The following MYH15 variants were observed in gnomAD, a reference collection of about 807,000 sequenced individuals.
MYH15 encodes myosin-15.
A neutral mutation model predicts 240.5 loss-of-function variants in MYH15; 227 were observed. The observed-to-expected ratio is 0.94, with a 90% CI of 0.85 to 1.05. The LOEUF is 1.05. Ranked by LOEUF, MYH15 falls within the 50% of genes least tolerant of loss-of-function variation. The pLI is 0.00. For missense variants in MYH15, 2,217 were observed against 2,247.5 expected, an observed-to-expected ratio of 0.99 and a Z score of 0.27; for synonymous variants, 785 against 796.7, an observed-to-expected ratio of 0.99 and a Z score of 0.25.
At chr3:108,406,733 C>T (rs2082549215) in intron 32 of MYH15, among the ~76,000 whole-genome samples, 1 of 152,068 alleles carries the variant, frequency 6.6e-6, no homozygotes. Flanking sequence ...TGGCTGAGGA[C>T]AGAAGTGGAG....
chr3:108,436,284 T>A (rs889524988), intron 25 of MYH15, among the ~76,000 whole-genome samples: 2 of 152,194 alleles, frequency 1.3e-5, no homozygotes, highest in African/African-American at 4.8e-5. Context: ...GAAACACAAC[T>A]TCAAAATTGA....
intron 22 of MYH15, 57 bp from the exon 23 acceptor site, chr3:108,441,317 C>T (rs1045843409): frequency 1.0e-5 from 16 of 1,592,042 alleles, no homozygotes; most frequent in South Asian, 3.3e-5. Flanking sequence ...ATCAGCTAGG[C>T]GAAAATGCTG....
chr3:108,422,525 C>T (rs183830051), intron 27 of MYH15, among the ~76,000 whole-genome samples: 35 of 152,234 alleles, frequency 2.3e-4, no homozygotes, highest in East Asian at 9.6e-4. Context: ...TCTGCCCCAT[C>T]GTGGGTGATG....
chr3:108,403,621 G>C, intron 33 of MYH15, among the ~76,000 whole-genome samples: 1 of 151,978 alleles, frequency 6.6e-6, no homozygotes, highest in African/African-American at 2.4e-5. Flanking sequence ...AGAGCAGAAA[G>C]GGTCTGGGCT....
chr3:108,520,318 T>A (rs2083608090), intron 1 of MYH15, among the ~76,000 whole-genome samples: 1 of 152,184 alleles, frequency 6.6e-6, no homozygotes. Flanking sequence ...ATGCGAAAAC[T>A]ATCAGTAAAA....
chr3:108,498,193 T>A, intron 5 of MYH15, 48 bp from the exon 6 acceptor site: 1 of 1,549,484 alleles, frequency 6.5e-7, no homozygotes, highest in East Asian at 2.2e-5. Flanking sequence ...TGATTATCAA[T>A]GCAACGAAAG....
chr3:108,499,903 A>G (rs1333824858), intron 4 of MYH15, among the ~76,000 whole-genome samples: 1 of 152,184 alleles, frequency 6.6e-6, no homozygotes, highest in African/African-American at 2.4e-5. Context: ...CTTTAAATGC[A>G]TTATCTCACT....
chr3:108,489,721 A>T (rs1427484995), intron 9 of MYH15, among the ~76,000 whole-genome samples: 1 of 152,178 alleles, frequency 6.6e-6, no homozygotes, highest in Non-Finnish European at 1.5e-5. Flanking sequence ...TGTGGACATC[A>T]TCCTCATATC....
At chr3:108,483,315 C>T (rs181634026) in intron 11 of MYH15, among the ~76,000 whole-genome samples, 372 of 151,046 alleles carry the variant, frequency 2.5e-3, no homozygotes, top group African/African-American at 8.3e-3. Context: ...TACAAATGGC[C>T]GATAAGCACA....
At chr3:108,466,909 G>T (rs1345666692) in intron 14 of MYH15, among the ~76,000 whole-genome samples, 1 of 152,132 alleles carries the variant, frequency 6.6e-6, no homozygotes, top group Non-Finnish European at 1.5e-5. Flanking sequence ...TCCTCCTTCA[G>T]CAATGGGGTG....
intron 16 of MYH15, among the ~76,000 whole-genome samples, chr3:108,462,382 C>G (rs1342106614): frequency 6.6e-6 from 1 of 152,038 alleles, no homozygotes; most frequent in East Asian, 1.9e-4. Context: ...TATCTTTCTA[C>G]CTAGCCTTTT....
At chr3:108,417,805 AC>A (rs2082646742) in intron 28 of MYH15, among the ~76,000 whole-genome samples, 1 of 149,126 alleles carries the variant, frequency 6.7e-6, no homozygotes, top group Non-Finnish European at 1.5e-5. Flanking sequence ...ATACACACAC[AC>A]ACACACACAC....
At chr3:108,435,062 T>A (rs2082819878) in intron 25 of MYH15, among the ~76,000 whole-genome samples, 1 of 152,260 alleles carries the variant, frequency 6.6e-6, no homozygotes, top group African/African-American at 2.4e-5. Context: ...GGTTTGTTCA[T>A]CTAATTATTG....
chr3:108,418,452 C>T (rs868286140), intron 28 of MYH15, among the ~76,000 whole-genome samples: 2 of 152,204 alleles, frequency 1.3e-5, no homozygotes, highest in South Asian at 2.1e-4. Flanking sequence ...GATCAGGCTG[C>T]AGCAATTTTA....
In MYH15 at chr3:108,403,441, C is replaced by T. The variant is rs117384281; in HGVS notation, c.4736+1897G>A. ...TGATCTTGCCCTCAGGCAATATTTT[C>T]CTTGTTCTATAACTTCCCTGGCTTA... On this transcript the variant is annotated intron_variant, in intron 33 of 40. Coordinates refer to ENST00000693548, the MANE Select transcript of MYH15 (RefSeq NM_014981.3). 1.8e-3 allele frequency among the ~76,000 whole-genome samples: 277 copies of T among 151,272 alleles called. 4 individuals are homozygous for T. In the East Asian group the frequency reaches 0.045, roughly 25 times the overall value.
chr3:108,532,540 T>G (rs1182923089), upstream of MYH15, among the ~76,000 whole-genome samples: 4 of 152,200 alleles, frequency 2.6e-5, no homozygotes, highest in African/African-American at 9.6e-5. Flanking sequence ...TCTCTTGTAT[T>G]TCCATCTTGC....
chr3:108,427,055 T>C (rs947067804), intron 27 of MYH15, among the ~76,000 whole-genome samples: 2 of 152,264 alleles, frequency 1.3e-5, no homozygotes, highest in African/African-American at 4.8e-5. Context: ...CATAACTTGT[T>C]TGATTTCACA....
At chr3:108,497,131 G>A (rs1275138882) in intron 6 of MYH15, among the ~76,000 whole-genome samples, 11 of 127,812 alleles carry the variant, frequency 8.6e-5, no homozygotes, top group South Asian at 2.6e-4. Flanking sequence ...ACTGCAGTCC[G>A]GCCTGGGCGA....
intron 12 of MYH15, among the ~76,000 whole-genome samples, chr3:108,471,663 C>A (rs1362189600): frequency 6.6e-6 from 1 of 152,130 alleles, no homozygotes; most frequent in East Asian, 1.9e-4. Context: ...AATTTTCCAT[C>A]CACTGATCCC....
Sources: gnomAD v4.1 joint callset for allele counts (sites outside exome capture counted in the v4.1 genomes callset) on GRCh38, gnomAD v4.1.1 for gene constraint, MANE v1.5 for transcripts, NCBI Gene and HGNC (gene_info 2026-07-23, HGNC 2026-07-21) for gene names.